The following SH3PXD2A variants were observed in gnomAD, a reference collection of about 807,000 sequenced individuals.
SH3PXD2A encodes the protein SH3 and PX domain-containing protein 2A.
In SH3PXD2A, 32 loss-of-function variants were observed where a neutral mutation model predicts 115.2. The ratio of observed to expected loss-of-function variants is 0.28; its 90% CI spans 0.21 to 0.37. SH3PXD2A has a LOEUF of 0.37. Ranked by LOEUF, SH3PXD2A falls within the 10% of genes least tolerant of loss-of-function variation. The pLI is 1.00. For missense variants in SH3PXD2A, 1,328 were observed against 1,498.7 expected, an observed-to-expected ratio of 0.89 and a Z score of 1.88; for synonymous variants, 610 against 629.1, an observed-to-expected ratio of 0.97 and a Z score of 0.45.
chr10:103,850,320 G>A (rs528214935), intron 1 of SH3PXD2A, among the ~76,000 whole-genome samples: 2 of 152,110 alleles, frequency 1.3e-5, no homozygotes, highest in Admixed American at 6.5e-5. Flanking sequence ...ACAGGGTTGC[G>A]ATAAATGGCT....
rs527330380 is a variant in SH3PXD2A at position 103,718,657 on chromosome 10, G to A, written c.398+5613C>T. 7.8e-4 allele frequency among the ~76,000 whole-genome samples: 118 copies of A among 152,070 alleles called. 1 individual carries two copies. Among genetic ancestry groups the A allele is most frequent in the African/African-American group, 2.6e-3 (106 of 41,506 alleles). ...TTCGTGGGTGGCCTAATATTTAAAT[G>A]AATATTTAAATAAGCATGATGTAGA... On this transcript the variant is annotated intron_variant, in intron 5 of 14. Coordinates refer to ENST00000369774, the MANE Select transcript of SH3PXD2A (RefSeq NM_001394015.1).
At chr10:103,854,982 C>T (rs1389798632) in intron 1 of SH3PXD2A, among the ~76,000 whole-genome samples, 1 of 151,876 alleles carries the variant, frequency 6.6e-6, no homozygotes, top group Non-Finnish European at 1.5e-5. Flanking sequence ...ATTCCAATGC[C>T]AAAAAAAGAA....
At chr10:103,719,882 G>A (rs1248687058) in intron 5 of SH3PXD2A, among the ~76,000 whole-genome samples, 1 of 151,954 alleles carries the variant, frequency 6.6e-6, no homozygotes. Flanking sequence ...ACCACGCCTG[G>A]CTAATTTTTG....
chr10:103,763,831 G>A (rs1437749732), intron 3 of SH3PXD2A, among the ~76,000 whole-genome samples: 1 of 152,182 alleles, frequency 6.6e-6, no homozygotes, highest in Non-Finnish European at 1.5e-5. Context: ...GACTGATGTG[G>A]GGGGGCTATA....
At chr10:103,611,471 G>A in intron 13 of SH3PXD2A, 110 bp downstream of exon 13, 1 of 1,040,136 alleles carries the variant, frequency 9.6e-7, no homozygotes, top group Non-Finnish European at 1.5e-6. Context: ...GCAGGGCTCT[G>A]GAAAACCCCT....
In SH3PXD2A at chr10:103,598,250, C is replaced by T. The variant is rs956283513; in HGVS notation, c.*3566G>A. 15 of 152,654 alleles carry T rather than the reference C, an allele frequency of 9.8e-5. No homozygotes were observed. The highest frequency in any genetic ancestry group is 3.1e-4 in the African/African-American group (13 of 41,462). 9.5% of individuals were successfully genotyped at this position (152,654 alleles called of 1,614,324 possible). On this transcript the variant is annotated 3_prime_UTR_variant, in exon 15 of 15. Transcript: ENST00000369774. The stretch of plus-strand genomic sequence containing the variant: ...AGTCATTGGACATAGGGGAAACCCA[C>T]AGGGCATGGGGCACACCTGCTGCTC...
chr10:103,690,482 T>C (rs1467281847), intron 6 of SH3PXD2A, among the ~76,000 whole-genome samples: 1 of 152,148 alleles, frequency 6.6e-6, no homozygotes, highest in Non-Finnish European at 1.5e-5. Context: ...AGGGAAGAGC[T>C]GCAGCTGAGT....
chr10:103,605,862 G>T lies in SH3PXD2A; in HGVS notation c.1364C>A (p.Thr455Asn). 1 of 1,612,926 alleles carries T rather than the reference G, an allele frequency of 6.2e-7. No homozygotes were observed. ...EPPSVEVEYY[T>N]IAEFQSCISD... Reference sequence around the variant, plus strand: ...AATGCACGACTGGAATTCGGCAATGGTGTAGTACTCCACCTCAACAGAAGG... The same window carrying T: ...AATGCACGACTGGAATTCGGCAATGTTGTAGTACTCCACCTCAACAGAAGG... Residue 455 changes from threonine to asparagine, a missense_variant, in exon 14 of 15, where the codon ACC (threonine) becomes AAC (asparagine). Around this residue, in one of 5 missense-constraint regions of SH3PXD2A, gnomAD observed 509 missense variants for 628.3 expected, o/e 0.81. Coordinates refer to ENST00000369774, the MANE Select transcript of SH3PXD2A (RefSeq NM_001394015.1).
At chr10:103,793,333 T>C (rs2039053600) in intron 2 of SH3PXD2A, among the ~76,000 whole-genome samples, 1 of 152,218 alleles carries the variant, frequency 6.6e-6, no homozygotes, top group African/African-American at 2.4e-5. Context: ...TTCTTGGGTT[T>C]TTTTTTATAT....
At chr10:103,683,698 A>C (rs1438350061) in intron 6 of SH3PXD2A, among the ~76,000 whole-genome samples, 1 of 152,076 alleles carries the variant, frequency 6.6e-6, no homozygotes, top group Non-Finnish European at 1.5e-5. Context: ...ACAACAACAA[A>C]AAAGCAAAAA....
Position 103,821,966 on chromosome 10 carries a change from C to T in SH3PXD2A, c.73-20604G>A, listed in dbSNP as rs560849419. ...TCACCCAGGCTGGAGTGCAGTGGCACGATCTTGGCTCACTGCAACCTCTGC... is the reference window on the plus strand; with the variant it reads ...TCACCCAGGCTGGAGTGCAGTGGCATGATCTTGGCTCACTGCAACCTCTGC... On this transcript the variant is annotated intron_variant, in intron 1 of 14. Coordinates refer to ENST00000369774, the MANE Select transcript of SH3PXD2A (RefSeq NM_001394015.1). Among the ~76,000 whole-genome samples, 8 of 151,662 alleles carry T rather than the reference C, an allele frequency of 5.3e-5. No homozygotes were observed. In the South Asian group the frequency reaches 1.0e-3, roughly 20 times the overall value.
intron 3 of SH3PXD2A, among the ~76,000 whole-genome samples, chr10:103,742,313 T>A (rs745964620): frequency 3.5e-4 from 53 of 152,312 alleles, no homozygotes; most frequent in Admixed American, 9.8e-4. Flanking sequence ...CGTGGCAGCA[T>A]CACTCCGATC....
intron 1 of SH3PXD2A, among the ~76,000 whole-genome samples, chr10:103,807,701 G>T (rs2039221215): frequency 1.3e-5 from 2 of 152,188 alleles, no homozygotes; most frequent in Non-Finnish European, 2.9e-5. Context: ...GTTCCCCTGG[G>T]TGGGCTGTCA....
At chr10:103,687,485 G>T (rs1306867882) in intron 6 of SH3PXD2A, among the ~76,000 whole-genome samples, 1 of 152,092 alleles carries the variant, frequency 6.6e-6, no homozygotes, top group Admixed American at 6.5e-5. Flanking sequence ...TTGTTTCCCA[G>T]CTCCCACACA....
chr10:103,677,963 G>C (rs2037560704), intron 6 of SH3PXD2A: 2 of 482,502 alleles, frequency 4.1e-6, no homozygotes, highest in Admixed American at 2.4e-5. Flanking sequence ...ATACAGGCCT[G>C]GCTTGTGCTG....
At chr10:103,797,879 A>G (rs1485957533) in intron 2 of SH3PXD2A, among the ~76,000 whole-genome samples, 3 of 152,136 alleles carry the variant, frequency 2.0e-5, no homozygotes, top group Admixed American at 6.5e-5. Context: ...TGTGAAGGGC[A>G]GGGTGCAAGT....
At chr10:103,751,091 T>G (rs2134205186) in intron 3 of SH3PXD2A, among the ~76,000 whole-genome samples, 1 of 152,330 alleles carries the variant, frequency 6.6e-6, no homozygotes, top group African/African-American at 2.4e-5. Context: ...TGAATGAGGA[T>G]AATAAGGGAG....
intron 8 of SH3PXD2A, among the ~76,000 whole-genome samples, chr10:103,633,727 C>CAAAAAAAAAAAA (rs35917262): frequency 4.0e-5 from 3 of 74,318 alleles, no homozygotes; most frequent in African/African-American, 1.6e-4. Flanking sequence ...GATTCTGTCT[C>CAAAAAAAAAAAA]AAAAAAAAAA....
At chr10:103,845,372 A>C (rs1171531887) in intron 1 of SH3PXD2A, among the ~76,000 whole-genome samples, 1 of 151,662 alleles carries the variant, frequency 6.6e-6, no homozygotes, top group Non-Finnish European at 1.5e-5. Flanking sequence ...AAAGAAAAAA[A>C]GGGAAAACAG....
Sources: allele counts gnomAD v4.1 joint callset (sites outside exome capture counted in the v4.1 genomes callset), GRCh38; gene constraint gnomAD v4.1.1; regional missense constraint gnomAD v4.1.1; transcripts MANE v1.5; gene names NCBI Gene and HGNC (gene_info 2026-07-23, HGNC 2026-07-21).